TTN: variants seen among roughly 807,000 people sequenced by gnomAD.
TTN encodes titin.
Under a neutral mutation model 3,223.0 loss-of-function variants are expected in TTN, and 1,525 were observed. The ratio of observed to expected loss-of-function variants is 0.47; its 90% CI spans 0.45 to 0.49. TTN has a LOEUF of 0.49. TTN is among the 20% of genes least tolerant of loss of function. TTN has a pLI of 0.00. For synonymous variants in TTN, 14,094 were observed against 15,161.0 expected (o/e 0.93, Z 5.17); for missense variants, 40,786 against 43,424.0 (o/e 0.94, Z 5.40).
Position 178,591,500 on chromosome 2 carries a change from A to G in TTN, c.60225T>C (p.Pro20075=), listed in dbSNP as rs759362913. The G allele has an allele frequency of 6.3e-7, 1 of 1,584,520 alleles. No homozygotes were observed. The highest frequency in any genetic ancestry group is 8.5e-7 in the Non-Finnish European group (1 of 1,171,478). The change falls in exon 304 of 363, where the codon CCT becomes CCC. Residue 20075 remains proline, a synonymous_variant. Coordinates refer to ENST00000589042, the MANE Select transcript of TTN (RefSeq NM_001267550.2). ...IPIECQEKLV[P]PSVELDVKLI... Reference sequence around the variant, plus strand: ...ATTTCACATCTAGCTCCACGGATGGAGGCACTGAAAAGTAAACATGAAAAA... The same window carrying G: ...ATTTCACATCTAGCTCCACGGATGGGGGCACTGAAAAGTAAACATGAAAAA...
In TTN at chr2:178,727,853, G is replaced by A. The variant is rs1420887815; in HGVS notation, c.19725C>T (p.Ser6575=). 2 of 1,584,690 alleles carry A rather than the reference G, an allele frequency of 1.3e-6. No individual in the cohort carries two copies. Among genetic ancestry groups the A allele is most frequent in the African/African-American group, 2.7e-5 (2 of 73,488 alleles). ...SGILTVKEPP[S]FLVKPGRQQA... ...GCTGTCGCCCAGGTTTCACTAGGAA[G>A]CTTGGTGGTTCTATAGATTTTAAGA... Residue 6575 remains serine (S), a synonymous_variant, in exon 68 of 363, where the codon AGC becomes AGT. Coordinates refer to ENST00000589042, the MANE Select transcript of TTN (RefSeq NM_001267550.2).
In TTN at chr2:178,612,863, C is replaced by T; in HGVS notation, c.49858G>A (p.Glu16620Lys). Residue 16620 changes from glutamate to lysine, a missense_variant, in exon 265 of 363, where the codon GAA (glutamate) becomes AAA (lysine). Transcript: ENST00000589042. The stretch of plus-strand genomic sequence containing the variant: ...ACAGCTCTAACTCGGAATGAGTATT[C>T]CTGTCCTTCCATGAGCCCTGGGAGC... ...HLLPGLMEGQEYSFRVRAVNK... is the reference protein window; with the variant it reads ...HLLPGLMEGQKYSFRVRAVNK... The T allele has an allele frequency of 3.7e-6, 6 of 1,612,560 alleles. No homozygotes were observed. Among genetic ancestry groups the T allele is most frequent in the South Asian group, 1.1e-5 (1 of 91,046 alleles).
Position 178,731,683 on chromosome 2 carries a change from C to A in TTN, c.17182+10G>T. ...AGAAAAGCCAGTCCCTCACTGGAAC[C>A]AACACTAACCTCTTAAAGTCACCCT... On this transcript the variant is annotated intron_variant, in intron 58 of 362. Transcript: ENST00000589042. 1 of 1,599,002 alleles carries A rather than the reference C, an allele frequency of 6.3e-7. No individual in the cohort carries two copies. The highest frequency in any genetic ancestry group is 8.5e-7 in the Non-Finnish European group (1 of 1,170,518).
chr2:178,708,653 A>C (rs1329011683), intron 99 of TTN, among the ~76,000 whole-genome samples: 1 of 152,244 alleles, frequency 6.6e-6, no homozygotes, highest in Non-Finnish European at 1.5e-5. Context: ...GCCACTGCTA[A>C]GTATATATTT....
intron 64 of TTN, 40 bp from the exon 65 acceptor site, chr2:178,729,209 T>C (rs760119883): frequency 1.3e-6 from 2 of 1,549,556 alleles, no homozygotes; most frequent in Non-Finnish European, 1.7e-6. Flanking sequence ...AGAAACATAT[T>C]GTAACTCCTA....
rs143276035 is a variant in TTN, at chr2:178,722,174, G to GT, written c.22529-41dup. ...GAAAGGCAATGTGTATTTTTTGTTT[G>GT]TTTTTTTGCCATTGGTCGTTTCTAC... On this transcript the variant is annotated intron_variant, in intron 77 of 362. Transcript: ENST00000589042. 31,409 of 1,529,094 alleles carry GT rather than the reference G, an allele frequency of 0.021. 496 individuals carry two copies. The highest frequency in any genetic ancestry group is 0.021 in the Non-Finnish European group (24,369 of 1,142,452). The allele number at this position is 1,529,094 out of a possible 1,614,324, so 94.7% of individuals were successfully genotyped here.
At position 178,756,501 on chromosome 2, in the gene TTN, C is replaced by G. The variant is rs1336657501; in HGVS notation, c.10975G>C (p.Ala3659Pro). ...TGAAGATGCAGGAAAATCTTGGGCG[C>G]CTCACCCGTGGACTCTTTAGCACAT... The part of the protein sequence containing the change: ...KECAKESTGE[A>P]PKIFLHLQDV... The change falls in exon 46 of 363, where the codon GCG becomes CCG. Residue 3659 changes from alanine to proline, a missense_variant. Physicochemically the swap from Ala to Pro is conservative, Grantham distance 27. Transcript: ENST00000589042. The G allele has an allele frequency of 6.2e-7, 1 of 1,613,652 alleles. No homozygotes were observed. The highest frequency in any genetic ancestry group is 8.5e-7 in the Non-Finnish European group (1 of 1,179,812).
intron 92 of TTN, 79 bp from the exon 93 acceptor site, chr2:178,713,451 G>T: frequency 7.0e-7 from 1 of 1,438,804 alleles, no homozygotes. Context: ...CTTGAAGAGA[G>T]AACTGTCTTT....
intron 294 of TTN, among the ~76,000 whole-genome samples, chr2:178,596,937 A>G (rs2051829638): frequency 6.6e-6 from 1 of 152,066 alleles, no homozygotes; most frequent in Non-Finnish European, 1.5e-5. Context: ...TTGATAACCA[A>G]CTATGATGCT....
intron 92 of TTN, 99 bp from the exon 93 acceptor site, chr2:178,713,471 T>C (rs965952379): frequency 1.0e-5 from 15 of 1,433,454 alleles, no homozygotes; most frequent in Admixed American, 2.9e-5. Context: ...TTTGATGGAC[T>C]ATCCCTAGAT....
At chr2:178,639,374 T>G (rs1280322306) in intron 223 of TTN, among the ~76,000 whole-genome samples, 2 of 152,050 alleles carry the variant, frequency 1.3e-5, no homozygotes, top group African/African-American at 4.8e-5. Context: ...GATTCTTATA[T>G]GTATACCCTT....
Position 178,741,665 on chromosome 2 carries a change from A to G in TTN, c.11568T>C (p.Asn3856=), listed in dbSNP as rs376741285. 1.9e-5 allele frequency: 30 copies of G among 1,613,878 alleles called. No homozygotes were observed. Among genetic ancestry groups the G allele is most frequent in the Non-Finnish European group, 2.5e-5 (29 of 1,179,798 alleles). Residue 3856 remains asparagine (N), a synonymous_variant, in exon 48 of 363, where the codon AAT becomes AAC. Transcript: ENST00000589042. ...CAGCAGAAGGGGTTAATAGCACTCCATTAAAGAACCACTGAATTTTAGGTT... is the reference window on the plus strand; with the variant it reads ...CAGCAGAAGGGGTTAATAGCACTCCGTTAAAGAACCACTGAATTTTAGGTT... ...IPKPKIQWFF[N]GVLLTPSADY... is the part of the protein sequence containing the mutation.
rs781540455 is a variant in TTN, at chr2:178,575,970, G to C, written c.70162C>G (p.Arg23388Gly). Reference sequence around the variant, plus strand: ...GATTCCGTATTTTCAATGTTGGCTCGGTTTTTCAGGTTGATGTTATCTTTG... The same window carrying C: ...GATTCCGTATTTTCAATGTTGGCTCCGTTTTTCAGGTTGATGTTATCTTTG... ...WTKDNINLKN[R>G]ANIENTESFT... Residue 23388 changes from arginine (R) to glycine (G), a missense_variant, in exon 326 of 363, where the codon CGA becomes GGA. Transcript: ENST00000589042. The surrounding 1 kb of genome is among the most constrained non-coding windows in gnomAD (Gnocchi z 4.0). 6.2e-6 allele frequency: 10 copies of C among 1,611,128 alleles called. No homozygotes were observed. Among genetic ancestry groups the C allele is most frequent in the Middle Eastern group, 1.6e-4 (1 of 6,062 alleles).
rs772823241 is a variant in TTN at position 178,580,477 on chromosome 2, T to C, written c.66902A>G (p.Asn22301Ser). ...GTCCAGTCCAATCCTGTCTCTTAGA[T>C]TGACATTTGGTTTAGACCAAGTAAT... ...PKITWSKPNV[N>S]LRDRIGLDIK... is the part of the protein sequence containing the mutation. Residue 22301 changes from asparagine to serine, a missense_variant, in exon 317 of 363, where the codon AAT becomes AGT. By Grantham distance (46) the Asn-to-Ser change is conservative (BLOSUM62 1). Coordinates refer to ENST00000589042, the MANE Select transcript of TTN (RefSeq NM_001267550.2). 49 of 1,612,972 alleles carry C rather than the reference T, an allele frequency of 3.0e-5. No individual in the cohort carries two copies. Among genetic ancestry groups the C allele is most frequent in the Non-Finnish European group, 3.9e-5 (46 of 1,179,438 alleles).
rs1553908654 is a variant in TTN, at chr2:178,721,185, T to C, written c.22834A>G (p.Lys7612Glu). 6.3e-7 allele frequency: 1 copy of C among 1,598,994 alleles called. No homozygotes were observed. The highest frequency in any genetic ancestry group is 1.7e-5 in the Admixed American group (1 of 59,108). The change falls in exon 79 of 363, where the codon AAG becomes GAG. Residue 7612 changes from lysine (K) to glutamate (E), a missense_variant. By Grantham distance (56) the Lys-to-Glu change is moderately conservative. Transcript: ENST00000589042. ...GCAACTTTTGAAGCTTCTAATTTCT[T>C]AACAAACTTTGGAGGTTCTAGTAAA... Reference protein sequence around the residue: ...LSVKEPPKFVKKLEASKVAKQ... With the variant: ...LSVKEPPKFVEKLEASKVAKQ...
rs768083088 is a variant in TTN, at chr2:178,633,592, T to C, written c.42767A>G (p.Lys14256Arg). ...DEITLKCEVS[K>R]DVPVKWFKDG... The stretch of plus-strand genomic sequence containing the variant: ...TTTGAACCATTTCACTGGTACATCT[T>C]TGCTCACTTCACACTTCAAAGTAAT... Residue 14256 changes from lysine to arginine, a missense_variant, in exon 232 of 363, where the codon AAA (lysine) becomes AGA (arginine). Lys to Arg is a conservative substitution (Grantham distance 26, BLOSUM62 2). Transcript: ENST00000589042. 3 of 1,613,282 alleles carry C rather than the reference T, an allele frequency of 1.9e-6. No individual in the cohort carries two copies. The Admixed American group carries it at 5.0e-5, about 27-fold the overall frequency.
At position 178,651,746 on chromosome 2, in the gene TTN, G is replaced by T; in HGVS notation, c.39383C>A (p.Thr13128Asn). 1 of 1,612,980 alleles carries T rather than the reference G, an allele frequency of 6.2e-7. No individual in the cohort carries two copies. The highest frequency in any genetic ancestry group is 8.5e-7 in the Non-Finnish European group (1 of 1,179,514). The change falls in exon 206 of 363, where the codon ACC becomes AAC. Residue 13128 changes from threonine to asparagine, a missense_variant. Coordinates refer to ENST00000589042, the MANE Select transcript of TTN (RefSeq NM_001267550.2). ...EPEPAAPPQVTVPPKKPVPEK... is the reference protein window; with the variant it reads ...EPEPAAPPQVNVPPKKPVPEK... ...TGGGACAGGTTTCTTAGGTGGTACGGTCACTAAAGAATTAGAAGGTATGTT... is the reference window on the plus strand; with the variant it reads ...TGGGACAGGTTTCTTAGGTGGTACGTTCACTAAAGAATTAGAAGGTATGTT...
chr2:178,751,596 G>A (rs779097962), intron 47 of TTN: 1 of 1,613,040 alleles, frequency 6.2e-7, no homozygotes, highest in East Asian at 2.2e-5. Flanking sequence ...TTCTCATCTT[G>A]CCCTTTTTGG....
intron 47 of TTN, chr2:178,749,507 G>T: frequency 6.2e-7 from 1 of 1,612,792 alleles, no homozygotes; most frequent in Non-Finnish European, 8.5e-7. Flanking sequence ...TTTTACATTT[G>T]TCCAGGGAGT....
Sources: gnomAD v4.1 joint callset for allele counts (sites outside exome capture counted in the v4.1 genomes callset) on GRCh38, gnomAD v4.1.1 for gene constraint, Gnocchi (gnomAD v3.1) non-coding constraint, MANE v1.5 for transcripts, NCBI Gene and HGNC (gene_info 2026-07-23, HGNC 2026-07-21) for gene names.